The following ABLIM1 variants were observed in gnomAD, a reference collection of about 807,000 sequenced individuals.
ABLIM1 encodes the protein actin-binding LIM protein 1.
ABLIM1 carries 40 observed loss-of-function variants against 107.0 expected under a neutral mutation model. The observed-to-expected ratio is 0.37, with a 90% confidence interval of 0.29 to 0.49. The LOEUF is 0.49. Ranked by LOEUF, ABLIM1 falls within the 20% of genes least tolerant of loss-of-function variation. ABLIM1 has a pLI of 0.97. For synonymous variants in ABLIM1, 357 were observed against 357.3 expected (o/e 1.00, Z 0.01); for missense variants, 857 against 1,008.5 (o/e 0.85, Z 2.04).
At chr10:114,525,146 G>A (rs1011079062) in intron 6 of ABLIM1, among the ~76,000 whole-genome samples, 1 of 152,184 alleles carries the variant, frequency 6.6e-6, no homozygotes, top group African/African-American at 2.4e-5. Context: ...AGAGATCAAG[G>A]ATGCTACTAG....
At chr10:114,480,245 G>C (rs905129240) in intron 8 of ABLIM1, among the ~76,000 whole-genome samples, 2 of 152,118 alleles carry the variant, frequency 1.3e-5, no homozygotes, top group Admixed American at 1.3e-4. Context: ...CAATAATTAT[G>C]AACTGAACTC....
chr10:114,676,838 C>T (rs142349665), intron 1 of ABLIM1, among the ~76,000 whole-genome samples: 3,563 of 152,194 alleles, frequency 0.023, 51 homozygotes, highest in Non-Finnish European at 0.038. Flanking sequence ...TGGGTTCAAG[C>T]GATTCTCCTG....
chr10:114,505,767 G>T (rs2061039154), intron 6 of ABLIM1, among the ~76,000 whole-genome samples: 1 of 152,164 alleles, frequency 6.6e-6, no homozygotes, highest in Non-Finnish European at 1.5e-5. Flanking sequence ...CCAGCTCTGT[G>T]ATAGCTCTCC....
chr10:114,546,629 C>T (rs1024833892), intron 5 of ABLIM1, among the ~76,000 whole-genome samples: 7 of 152,112 alleles, frequency 4.6e-5, no homozygotes, highest in African/African-American at 1.4e-4. Flanking sequence ...TTCAGCCTTA[C>T]CCTGGGCCTG....
chr10:114,495,625 G>C (rs565182284), intron 6 of ABLIM1, among the ~76,000 whole-genome samples: 9 of 151,866 alleles, frequency 5.9e-5, no homozygotes, highest in Non-Finnish European at 1.2e-4. Context: ...TGACGGTGCT[G>C]CTGCTGCTGC....
intron 1 of ABLIM1, among the ~76,000 whole-genome samples, chr10:114,681,640 C>A (rs1454981338): frequency 6.6e-6 from 1 of 152,224 alleles, no homozygotes; most frequent in Non-Finnish European, 1.5e-5. Context: ...GACAGCAGGA[C>A]ATATGTTTCC....
intron 6 of ABLIM1, among the ~76,000 whole-genome samples, chr10:114,535,917 C>T (rs1462194586): frequency 2.6e-5 from 4 of 152,102 alleles, no homozygotes; most frequent in African/African-American, 9.7e-5. Flanking sequence ...TCAGGACTGA[C>T]TTTGGGACTT....
chr10:114,558,936 T>C (rs992389948), intron 4 of ABLIM1, among the ~76,000 whole-genome samples: 2 of 151,938 alleles, frequency 1.3e-5, no homozygotes, highest in Non-Finnish European at 2.9e-5. Flanking sequence ...TGTGTGTGTG[T>C]ATACATGTAT....
chr10:114,465,561 A>C, intron 12 of ABLIM1, 137 bp downstream of exon 12: 1 of 1,005,752 alleles, frequency 9.9e-7, no homozygotes. Context: ...ATAGTTGGAT[A>C]CCAGTTTTCA....
In ABLIM1 at chr10:114,460,437, C is replaced by T. The variant is rs1165745498; in HGVS notation, c.1441+5261G>A. 2.0e-5 allele frequency among the ~76,000 whole-genome samples: 3 copies of T among 152,196 alleles called. No homozygotes were observed. In the East Asian group the frequency reaches 5.8e-4, roughly 29 times the overall value. ...TCAACATGGTGAAACCCCGTCTCTA[C>T]TAAAAATACGAAAATTAGCTAGGCG... is the stretch of plus-strand genomic sequence containing the variant. On this transcript the variant is annotated intron_variant, in intron 12 of 22. Transcript: ENST00000533213.
chr10:114,464,175 G>A (rs1201287044), intron 12 of ABLIM1, among the ~76,000 whole-genome samples: 1 of 151,182 alleles, frequency 6.6e-6, no homozygotes, highest in East Asian at 2.0e-4. Flanking sequence ...CAGGGTGGCA[G>A]CATAAAGGAT....
intron 1 of ABLIM1, among the ~76,000 whole-genome samples, chr10:114,704,592 A>T (rs923928303): frequency 6.8e-6 from 1 of 147,488 alleles, no homozygotes; most frequent in Non-Finnish European, 1.5e-5. Flanking sequence ...CACTTTCTAT[A>T]AAGTGATTCG....
intron 2 of ABLIM1, among the ~76,000 whole-genome samples, chr10:114,584,049 C>A (rs529665542): frequency 2.6e-5 from 4 of 151,954 alleles, no homozygotes; most frequent in African/African-American, 7.3e-5. Flanking sequence ...TTCAATCATA[C>A]CCTAAGCCTC....
intron 6 of ABLIM1, 50 bp downstream of exon 6, chr10:114,544,955 G>C: frequency 1.3e-6 from 2 of 1,555,646 alleles, no homozygotes; most frequent in Non-Finnish European, 8.9e-7. Flanking sequence ...GTTTCTGAGG[G>C]CCGCTGAGAA....
Position 114,642,646 on chromosome 10 carries a change from A to G in ABLIM1, c.244+15311T>C, listed in dbSNP as rs866136745. On this transcript the variant is annotated intron_variant, in intron 1 of 22. Coordinates refer to ENST00000533213, the MANE Select transcript of ABLIM1 (RefSeq NM_002313.7). ...ATTCAAAGATTAAATACACAAGAATACCTCTGAAATGAAGAGACAGCTGAA... is the reference window on the plus strand; with the variant it reads ...ATTCAAAGATTAAATACACAAGAATGCCTCTGAAATGAAGAGACAGCTGAA... Among the ~76,000 whole-genome samples the G allele has an allele frequency of 1.3e-5, 2 of 152,312 alleles. 1 individual carries two copies. The highest frequency in any genetic ancestry group is 4.1e-4 in the South Asian group (2 of 4,826).
chr10:114,442,031 C>T (rs1243094303), intron 17 of ABLIM1, among the ~76,000 whole-genome samples: 1 of 152,126 alleles, frequency 6.6e-6, no homozygotes, highest in Non-Finnish European at 1.5e-5. Flanking sequence ...GCTGTGCTTC[C>T]TATAGCTCTG....
At chr10:114,708,877 A>G (rs1240155227) in intron 1 of ABLIM1, among the ~76,000 whole-genome samples, 1 of 152,222 alleles carries the variant, frequency 6.6e-6, no homozygotes, top group Non-Finnish European at 1.5e-5. Context: ...ATCTGTACCA[A>G]AAAGTGATAT....
chr10:114,558,040 T>C (rs2069031899), intron 4 of ABLIM1, among the ~76,000 whole-genome samples: 1 of 152,170 alleles, frequency 6.6e-6, no homozygotes, highest in African/African-American at 2.4e-5. Context: ...TGATCTCCCA[T>C]CTCCTTGGCT....
At chr10:114,451,476 C>T in intron 14 of ABLIM1, 148 bp downstream of exon 14, 1 of 781,076 alleles carries the variant, frequency 1.3e-6, no homozygotes, top group Non-Finnish European at 2.3e-6. Context: ...ACAATATTTA[C>T]ATCTTAGTAG....
Sources: allele counts gnomAD v4.1 joint callset (sites outside exome capture counted in the v4.1 genomes callset), GRCh38; gene constraint gnomAD v4.1.1; transcripts MANE v1.5; gene names NCBI Gene and HGNC (gene_info 2026-07-23, HGNC 2026-07-21).